Variants in MEFV observed in about 807,000 individuals in gnomAD.
MEFV encodes pyrin.
MEFV carries 60 observed loss-of-function variants against 62.5 expected under a neutral mutation model. That is an observed-to-expected ratio of 0.96 (90% CI 0.78 to 1.19). The LOEUF (loss-of-function observed/expected upper bound fraction) is 1.19, where lower values mean the gene tolerates loss of function less well. Among genes scored for constraint, MEFV ranks in the 50% most tolerant of loss-of-function variants. The pLI, the probability that MEFV is intolerant of heterozygous loss-of-function variation, is 0.00. For missense variants in MEFV, 1,169 were observed against 1,004.5 expected, an observed-to-expected ratio of 1.16 and a Z score of -2.21; for synonymous variants, 500 against 415.2, an observed-to-expected ratio of 1.20 and a Z score of -2.48.
At chr16:3,254,136 A>C in intron 2 of MEFV, 22 bp downstream of exon 2, 2 of 1,612,984 alleles carry the variant, frequency 1.2e-6, no homozygotes, top group Non-Finnish European at 8.5e-7. Context: ...GCCGATATAA[A>C]GTAGGAAAGA....
intron 1 of MEFV, 122 bp from the exon 2 acceptor site, chr16:3,254,912 C>A: frequency 1.3e-6 from 2 of 1,512,944 alleles, no homozygotes; most frequent in Non-Finnish European, 1.8e-6. Context: ...AACAACGGGC[C>A]GGGCGCGGTG....
Position 3,246,533 on chromosome 16 carries a change from G to A in MEFV, c.1602C>T (p.Ile534=), listed in dbSNP as rs1470788901. The A allele has an allele frequency of 1.2e-6, 2 of 1,614,108 alleles. No homozygotes were observed. The highest frequency in any genetic ancestry group is 4.5e-5 in the East Asian group (2 of 44,882). ...ACAGGACCTCGCTGTACCTGTGCAA[G>A]ATGTCTCCAATGTCCTAGGAGAAAA... ...EWELLQDIGD[I]LHRAKTVPVP... Residue 534 remains isoleucine (I), a synonymous_variant, in exon 6 of 10, where the codon ATC becomes ATT. Transcript: ENST00000219596.
chr16:3,248,876 G>A (rs919913345), intron 4 of MEFV, 33 bp downstream of exon 4: 1 of 1,613,018 alleles, frequency 6.2e-7, no homozygotes, highest in Non-Finnish European at 8.5e-7. Flanking sequence ...TCCTCCCAGG[G>A]ACGGATGGGC....
intron 5 of MEFV, 37 bp downstream of exon 5, chr16:3,246,979 C>G (rs769802327): frequency 6.3e-7 from 1 of 1,596,800 alleles, no homozygotes; most frequent in Non-Finnish European, 8.6e-7. Context: ...CTGATAGGCA[C>G]AGGGGACCCA....
chr16:3,254,675 G>T lies in MEFV; in HGVS notation c.393C>A (p.Gly131=). ...CAGCTCCGCCCCCGTACGGCCGAGGGCCGTTCCCCTCGTTCCCCTCGGGGT... is the reference window on the plus strand; with the variant it reads ...CAGCTCCGCCCCCGTACGGCCGAGGTCCGTTCCCCTCGTTCCCCTCGGGGT... ...PDHPEGNEGN[G]PRPYGGGAAS... Residue 131 remains glycine (G), a synonymous_variant, in exon 2 of 10, where the codon GGC becomes GGA. Transcript: ENST00000219596. 1 of 1,612,142 alleles carries T rather than the reference G, an allele frequency of 6.2e-7. No individual in the cohort carries two copies. Among genetic ancestry groups the T allele is most frequent in the Non-Finnish European group, 8.5e-7 (1 of 1,179,850 alleles).
intron 2 of MEFV, 143 bp from the exon 3 acceptor site, chr16:3,249,923 C>T (rs989507324): frequency 5.1e-5 from 37 of 723,588 alleles, no homozygotes; most frequent in Non-Finnish European, 8.1e-5. Context: ...GCTTGTCCTC[C>T]CCCGACTTCC....
chr16:3,252,410 G>A (rs1240535783), intron 2 of MEFV, among the ~76,000 whole-genome samples: 1 of 151,792 alleles, frequency 6.6e-6, no homozygotes, highest in East Asian at 1.9e-4. Context: ...TGAGTAGCTG[G>A]GATTATGGAC....
intron 4 of MEFV, chr16:3,247,508 A>T (rs983228768): frequency 3.8e-6 from 2 of 527,278 alleles, no homozygotes; most frequent in Non-Finnish European, 6.8e-6. Flanking sequence ...TTACACGTTG[A>T]AGCCCTAACC....
In MEFV at chr16:3,256,365, G is replaced by T. The variant is rs1042945356; in HGVS notation, c.223C>A (p.Arg75=). The T allele has an allele frequency of 1.9e-6, 3 of 1,614,026 alleles. No homozygotes were observed. Among genetic ancestry groups the T allele is most frequent in the African/African-American group, 2.7e-5 (2 of 75,066 alleles). ...YAVQLTLQVL[R]AINQRLLAEE... is the part of the protein sequence containing the mutation. ...GCCAGCAGGCGCTGGTTGATGGCCC[G>T]CAGGACCTGCAGGGTGAGCTGCACG... The change falls in exon 1 of 10, where the codon CGG becomes AGG. Residue 75 remains arginine (R), a synonymous_variant. Coordinates refer to ENST00000219596, the MANE Select transcript of MEFV (RefSeq NM_000243.3).
chr16:3,243,646 G>C lies in MEFV; in HGVS notation c.1841C>G (p.Ser614Cys). 6.2e-7 allele frequency: 1 copy of C among 1,600,532 alleles called. No individual in the cohort carries two copies. Among genetic ancestry groups the C allele is most frequent in the South Asian group, 1.1e-5 (1 of 89,170 alleles). ...AETAYPNLIF[S>C]DDLKSVRLGN... ...AAGTCTAACACTCTTCAGATCATCA[G>C]AGAAGATGAGGTTGGGGTAAGCGGT... The change falls in exon 10 of 10, where the codon TCT becomes TGT. Residue 614 changes from serine to cysteine, a missense_variant. Coordinates refer to ENST00000219596, the MANE Select transcript of MEFV (RefSeq NM_000243.3).
chr16:3,249,684 T>C lies in MEFV; in HGVS notation c.1007A>G (p.Glu336Gly). 1.2e-6 allele frequency: 2 copies of C among 1,612,868 alleles called. No homozygotes were observed. The highest frequency in any genetic ancestry group is 1.7e-6 in the Non-Finnish European group (2 of 1,179,124). The change falls in exon 3 of 10, where the codon GAG becomes GGG. Residue 336 changes from glutamate (E) to glycine (G), a missense_variant. Coordinates refer to ENST00000219596, the MANE Select transcript of MEFV (RefSeq NM_000243.3). ...GGCCTGGGGGTGCCCAGAAACTGCC[T>C]CGGGGAAGCTGCAGGAATCACGCAC... ...TCVRDSCSFP[E>G]AVSGHPQASG...
In MEFV at chr16:3,256,514, T is replaced by C. The variant is rs924530771; in HGVS notation, c.74A>G (p.Lys25Arg). 7 of 1,614,190 alleles carry C rather than the reference T, an allele frequency of 4.3e-6. No individual in the cohort carries two copies. Among genetic ancestry groups the C allele is most frequent in the Admixed American group, 3.3e-5 (2 of 60,016 alleles). ...CACACTGGTGTTCTGCAGCTTGAAC[T>C]TGAACTTCTCGAAGTCATAGGGCAC... Reference protein sequence around the residue: ...ELVPYDFEKFKFKLQNTSVQK... With the variant: ...ELVPYDFEKFRFKLQNTSVQK... The change falls in exon 1 of 10, where the codon AAG (lysine) becomes AGG (arginine). Residue 25 changes from lysine to arginine, a missense_variant. Coordinates refer to ENST00000219596, the MANE Select transcript of MEFV (RefSeq NM_000243.3).
intron 6 of MEFV, among the ~76,000 whole-genome samples, chr16:3,245,419 A>T (rs1170659148): frequency 1.3e-5 from 2 of 152,190 alleles, no homozygotes; most frequent in African/African-American, 4.8e-5. Context: ...AGGTGGGTGG[A>T]TCACTTGAGG....
intron 6 of MEFV, among the ~76,000 whole-genome samples, chr16:3,245,683 G>A (rs2141667617): frequency 6.6e-6 from 1 of 152,158 alleles, no homozygotes; most frequent in African/African-American, 2.4e-5. Flanking sequence ...ATAAGTGATG[G>A]CAAAGATGTG....
At chr16:3,247,412 C>T (rs1958959287) in intron 4 of MEFV, 166 bp from the exon 5 acceptor site, 1 of 620,102 alleles carries the variant, frequency 1.6e-6, no homozygotes, top group Admixed American at 2.8e-5. Flanking sequence ...TGGAACCTTC[C>T]AGAAAAGACT....
At chr16:3,244,124 C>G in intron 8 of MEFV, 130 bp downstream of exon 8, 3 of 1,558,894 alleles carry the variant, frequency 1.9e-6, no homozygotes, top group Non-Finnish European at 1.7e-6. Context: ...CCTGCCATGA[C>G]CTTTCTCCTA....
In MEFV at chr16:3,244,258, G is replaced by A; in HGVS notation, c.1755C>T (p.Phe585=). The A allele has an allele frequency of 1.9e-6, 3 of 1,614,010 alleles. No individual in the cohort carries two copies. Among genetic ancestry groups the A allele is most frequent in the Non-Finnish European group, 2.5e-6 (3 of 1,180,000 alleles). The change falls in exon 8 of 10, where the codon TTC becomes TTT. Residue 585 remains phenylalanine (F), a synonymous_variant. Transcript: ENST00000219596. Reference sequence around the variant, plus strand: ...CACCATTACCGCTGGACTCACCATTGAACATTTCCATTTCTGAACGCAGGG... The same window carrying A: ...CACCATTACCGCTGGACTCACCATTAAACATTTCCATTTCTGAACGCAGGG... The part of the protein sequence containing the change: ...SETLRSEMEM[F]NVPELIGAQA...
chr16:3,249,961 G>A (rs1959009461), intron 2 of MEFV, among the ~76,000 whole-genome samples, 181 bp from the exon 3 acceptor site: 1 of 152,224 alleles, frequency 6.6e-6, no homozygotes, highest in Admixed American at 6.5e-5. Flanking sequence ...ACAGGCCACT[G>A]GGCCTGAGAG....
intron 6 of MEFV, among the ~76,000 whole-genome samples, chr16:3,245,108 G>C (rs954098505): frequency 1.3e-5 from 2 of 151,982 alleles, no homozygotes; most frequent in African/African-American, 4.8e-5. Flanking sequence ...GCAACATGGC[G>C]AAACCCTGTC....
Sources: gnomAD v4.1 joint callset for allele counts (sites outside exome capture counted in the v4.1 genomes callset) on GRCh38, gnomAD v4.1.1 for gene constraint, MANE v1.5 for transcripts, NCBI Gene and HGNC (gene_info 2026-07-23, HGNC 2026-07-21) for gene names.